The following DUSP22 variants were observed in gnomAD, a reference collection of about 807,000 sequenced individuals.
DUSP22 encodes the protein dual specificity phosphatase 22.
Under a neutral mutation model 24.5 loss-of-function variants are expected in DUSP22, and 24 were observed. The observed-to-expected ratio is 0.98, with a 90% CI of 0.71 to 1.38. The LOEUF (loss-of-function observed/expected upper bound fraction) is 1.38. DUSP22 is among the 40% of genes most tolerant of loss of function. The pLI, the probability that DUSP22 is intolerant of heterozygous loss-of-function variation, is 0.00. For missense variants in DUSP22, 330 were observed against 269.2 expected (o/e 1.23, Z -1.58); for synonymous variants, 160 against 106.4 (o/e 1.50, Z -3.10).
intron 4 of DUSP22, among the ~76,000 whole-genome samples, chr6:344,564 A>T (rs1394158203): frequency 3.3e-5 from 5 of 152,304 alleles, no homozygotes; most frequent in African/African-American, 1.2e-4. Context: ...TGCTAGGATG[A>T]TAGGTGTGTG....
At chr6:312,812 A>G (rs1324995663) in intron 3 of DUSP22, among the ~76,000 whole-genome samples, 1 of 152,310 alleles carries the variant, frequency 6.6e-6, no homozygotes, top group Non-Finnish European at 1.5e-5. Flanking sequence ...GCCAGATTTT[A>G]GTTAGTATAA....
rs1483568785 is a variant in DUSP22, at chr6:348,783, G to T, written c.450G>T (p.Leu150=). The T allele has an allele frequency of 6.2e-7, 1 of 1,614,304 alleles. No individual in the cohort carries two copies. The highest frequency in any genetic ancestry group is 1.3e-5 in the African/African-American group (1 of 75,088). ...ATCCTCTCCAGTATCGGCAGTGGCT[G>T]AAGGAAGAATATGGAGAGAGCCCTT... ...KHEVHQYRQW[L]KEEYGESPLQ... The change falls in exon 7 of 7, where the codon CTG becomes CTT. Residue 150 remains leucine (L), a synonymous_variant. Coordinates refer to ENST00000419235, the MANE Select transcript of DUSP22 (RefSeq NM_001286555.3).
intron 3 of DUSP22, among the ~76,000 whole-genome samples, chr6:313,890 C>T (rs888445825): frequency 5.9e-5 from 9 of 152,284 alleles, no homozygotes; most frequent in African/African-American, 2.2e-4. Flanking sequence ...GTGGTGCCCA[C>T]ATTAAGTTAT....
At chr6:330,464 GA>G (rs565499922) in intron 3 of DUSP22, among the ~76,000 whole-genome samples, 83 of 152,354 alleles carry the variant, frequency 5.4e-4, no homozygotes, top group Admixed American at 3.9e-3. Context: ...AAAGAACAGT[GA>G]ATGTTAGAAA....
chr6:321,561 A>C (rs1172249936), intron 3 of DUSP22, among the ~76,000 whole-genome samples: 1 of 152,302 alleles, frequency 6.6e-6, no homozygotes, highest in African/African-American at 2.4e-5. Flanking sequence ...ATTTGATCTG[A>C]AAATCTTCCA....
chr6:299,241 G>A (rs1363530355), intron 1 of DUSP22, among the ~76,000 whole-genome samples: 9 of 152,300 alleles, frequency 5.9e-5, no homozygotes, highest in South Asian at 2.1e-4. Flanking sequence ...CAGCTCCTGC[G>A]TGGCCTGACT....
Position 308,927 on chromosome 6 carries a change from C to T in DUSP22, c.56-2953C>T, listed in dbSNP as rs571722751. The stretch of plus-strand genomic sequence containing the variant: ...ATGAGCTGGCGCCATCAGGCTGCCC[C>T]GCCTCTACTGGGTCCTCGCCCCACC... On this transcript the variant is annotated intron_variant, in intron 2 of 6. Coordinates refer to ENST00000419235, the MANE Select transcript of DUSP22 (RefSeq NM_001286555.3). 7.2e-5 allele frequency among the ~76,000 whole-genome samples: 11 copies of T among 152,416 alleles called. No individual in the cohort carries two copies. The East Asian group carries it at 1.2e-3, about 16-fold the overall frequency.
At chr6:299,743 C>A (rs1182608794) in intron 1 of DUSP22, among the ~76,000 whole-genome samples, 14 of 152,420 alleles carry the variant, frequency 9.2e-5, no homozygotes, top group South Asian at 6.2e-4. Context: ...TCAGGTCAGA[C>A]TTCCCATCCT....
chr6:309,277 C>T (rs1186797798), intron 2 of DUSP22, among the ~76,000 whole-genome samples: 1 of 152,300 alleles, frequency 6.6e-6, no homozygotes, highest in Admixed American at 6.5e-5. Context: ...TTATAGACGC[C>T]TTTCTGAGCC....
At chr6:295,978 C>G (rs1377774450) in intron 1 of DUSP22, among the ~76,000 whole-genome samples, 1 of 152,248 alleles carries the variant, frequency 6.6e-6, no homozygotes, top group African/African-American at 2.4e-5. Context: ...AGGGCAGAAC[C>G]CAGTCTCCAC....
intron 1 of DUSP22, among the ~76,000 whole-genome samples, chr6:296,472 T>C (rs998866377): frequency 6.6e-6 from 1 of 152,424 alleles, no homozygotes; most frequent in East Asian, 1.9e-4. Flanking sequence ...GCTGCTAAGA[T>C]ATTAGTCTAG....
rs1242842386 is a variant in DUSP22, at chr6:349,427, A to G, written c.*476A>G. The G allele has an allele frequency of 2.0e-6, 2 of 1,010,688 alleles. No homozygotes were observed. Among genetic ancestry groups the G allele is most frequent in the Non-Finnish European group, 2.4e-6 (2 of 845,770 alleles). 62.6% of individuals were successfully genotyped at this position (1,010,688 alleles called of 1,614,324 possible). A position where few individuals can be genotyped will look rare whatever the true frequency, so the allele number is the denominator to read the frequency against. ...GTGGCCACCTTTCCCTTTGTCCAAGACTCCACATGGAAGGCATTTGAGCTC... is the reference window on the plus strand; with the variant it reads ...GTGGCCACCTTTCCCTTTGTCCAAGGCTCCACATGGAAGGCATTTGAGCTC... On this transcript the variant is annotated 3_prime_UTR_variant, in exon 7 of 7. Coordinates refer to ENST00000419235, the MANE Select transcript of DUSP22 (RefSeq NM_001286555.3).
intron 4 of DUSP22, among the ~76,000 whole-genome samples, chr6:344,838 A>G (rs1242238120): frequency 6.6e-6 from 1 of 152,302 alleles, no homozygotes; most frequent in African/African-American, 2.4e-5. Context: ...CCAGATTGCC[A>G]GGAGTAAATC....
intron 4 of DUSP22, among the ~76,000 whole-genome samples, chr6:341,481 C>T (rs1237915778): frequency 6.6e-6 from 1 of 152,310 alleles, no homozygotes; most frequent in Non-Finnish European, 1.5e-5. Context: ...AACACCCCCA[C>T]ACACAGTCCT....
chr6:304,791 C>T (rs1757746246), intron 2 of DUSP22, 130 bp downstream of exon 2: 2 of 1,328,904 alleles, frequency 1.5e-6, no homozygotes, highest in Admixed American at 1.8e-5. Context: ...CACCAACATC[C>T]TTCTGCAGGA....
At chr6:296,162 G>T (rs1877174) in intron 1 of DUSP22, among the ~76,000 whole-genome samples, 403 of 152,258 alleles carry the variant, frequency 2.6e-3, no homozygotes, top group African/African-American at 9.4e-3. Context: ...AAGGAAGGGG[G>T]TAATTACAGG....
intron 3 of DUSP22, among the ~76,000 whole-genome samples, chr6:321,157 G>A (rs1758570439): frequency 6.6e-6 from 1 of 152,308 alleles, no homozygotes; most frequent in African/African-American, 2.4e-5. Context: ...TTGGAGGTGG[G>A]ATTCTGGGTA....
chr6:308,491 AAC>A (rs1447501847), intron 2 of DUSP22, among the ~76,000 whole-genome samples: 1 of 152,298 alleles, frequency 6.6e-6, no homozygotes, highest in Non-Finnish European at 1.5e-5. Context: ...TGCATCAGCG[AAC>A]ACGGTGCTAG....
chr6:339,028 G>T (rs1219907824), intron 4 of DUSP22, among the ~76,000 whole-genome samples: 1 of 152,308 alleles, frequency 6.6e-6, no homozygotes, highest in African/African-American at 2.4e-5. Flanking sequence ...TTTCAGCTCA[G>T]TTCCCCAACC....
Sources: gnomAD v4.1 joint callset for allele counts (sites outside exome capture counted in the v4.1 genomes callset) on GRCh38, gnomAD v4.1.1 for gene constraint, MANE v1.5 for transcripts, NCBI Gene and HGNC (gene_info 2026-07-23, HGNC 2026-07-21) for gene names.